RANBP2: variants seen among roughly 807,000 people sequenced by gnomAD.
RANBP2 encodes E3 SUMO-protein ligase RanBP2.
Under a neutral mutation model 303.6 loss-of-function variants are expected in RANBP2, and 57 were observed. That is an observed-to-expected ratio of 0.19 (90% CI 0.15 to 0.23). RANBP2 has a LOEUF of 0.23. RANBP2 is among the 10% of genes least tolerant of loss of function. The pLI is 1.00. For synonymous variants in RANBP2, 1,167 were observed against 1,301.5 expected (o/e 0.90, Z 2.23); for missense variants, 3,138 against 3,780.8 (o/e 0.83, Z 4.46).
chr2:108,957,829 C>T, the RANBP2 span, among the ~76,000 whole-genome samples: 1 of 152,192 alleles, frequency 6.6e-6, no homozygotes, highest in Non-Finnish European at 1.5e-5. Flanking sequence ...TGTTGCCTAG[C>T]CTCATCTGCA....
the RANBP2 span, among the ~76,000 whole-genome samples, chr2:109,670,221 CT>C: frequency 6.6e-6 from 1 of 151,296 alleles, no homozygotes; most frequent in African/African-American, 2.4e-5. Flanking sequence ...ACTACATGTT[CT>C]GATTGGGTGA....
the RANBP2 span, among the ~76,000 whole-genome samples, chr2:109,324,864 G>T: frequency 1.3e-5 from 2 of 152,194 alleles, no homozygotes; most frequent in Non-Finnish European, 2.9e-5. Context: ...AAGCACGCAC[G>T]CTGGCACACT....
the RANBP2 span, among the ~76,000 whole-genome samples, chr2:109,697,730 G>A: frequency 6.6e-6 from 1 of 152,038 alleles, no homozygotes; most frequent in South Asian, 2.1e-4. Flanking sequence ...TCTTTGTTTT[G>A]CTTTATTGTA....
At chr2:108,789,037 A>G (rs535829261), downstream of RANBP2, 5 of 1,548,150 alleles carry the variant, frequency 3.2e-6, no homozygotes, top group South Asian at 5.7e-5. Context: ...AGAAAAGGGC[A>G]GGTTATATTT....
chr2:109,419,555 C>T, the RANBP2 span: 10 of 1,597,366 alleles, frequency 6.3e-6, no homozygotes, highest in East Asian at 9.1e-5. Flanking sequence ...TCCTCCTCGG[C>T]GGGATCTACC....
At chr2:109,042,367 G>A in the RANBP2 span, among the ~76,000 whole-genome samples, 1,037 of 152,116 alleles carry the variant, frequency 6.8e-3, 6 homozygotes, top group East Asian at 0.035. Flanking sequence ...GTATGTATTT[G>A]TATTTATCTT....
chr2:109,683,468 C>T, the RANBP2 span, among the ~76,000 whole-genome samples: 2 of 152,176 alleles, frequency 1.3e-5, no homozygotes, highest in South Asian at 4.2e-4. Context: ...AGGAAGTTTC[C>T]CAGCTGCAAT....
chr2:109,104,724 C>A, the RANBP2 span, among the ~76,000 whole-genome samples: 1 of 152,130 alleles, frequency 6.6e-6, no homozygotes, highest in African/African-American at 2.4e-5. Context: ...ACCTCGTGAT[C>A]CGCCCACCTC....
the RANBP2 span, among the ~76,000 whole-genome samples, chr2:109,071,350 G>A: frequency 6.6e-6 from 1 of 152,180 alleles, no homozygotes; most frequent in Non-Finnish European, 1.5e-5. Flanking sequence ...ATTCTGTCTT[G>A]CATGTGTGAA....
Position 108,764,641 on chromosome 2 carries a change from A to C in RANBP2, c.4102A>C (p.Thr1368Pro). Residue 1368 changes from threonine to proline, a missense_variant, in exon 20 of 29, where the codon ACT becomes CCT. This residue lies in a region of RANBP2 where 388 missense variants were observed against 328.5 expected (regional missense o/e 1.18). Transcript: ENST00000283195. ...CNSCSLKNAS[T>P]AKKCVSCQNL... ...CAGCTGCTCATTAAAGAATGCTTCA[A>C]CTGCTAAGAAATGTGTATCATGCCA... 6.2e-7 allele frequency: 1 copy of C among 1,614,096 alleles called. No homozygotes were observed. Among genetic ancestry groups the C allele is most frequent in the Non-Finnish European group, 8.5e-7 (1 of 1,179,976 alleles).
chr2:109,356,535 C>G, the RANBP2 span, among the ~76,000 whole-genome samples: 1 of 152,212 alleles, frequency 6.6e-6, no homozygotes, highest in African/African-American at 2.4e-5. Context: ...AGATGCTGAC[C>G]TTCTCTTTAC....
chr2:109,305,923 C>T, the RANBP2 span, among the ~76,000 whole-genome samples: 1 of 150,124 alleles, frequency 6.7e-6, no homozygotes, highest in Non-Finnish European at 1.5e-5. Flanking sequence ...TGGGCTGCTC[C>T]TCCAGCTGCT....
At chr2:109,533,998 C>T in the RANBP2 span, among the ~76,000 whole-genome samples, 6 of 152,202 alleles carry the variant, frequency 3.9e-5, no homozygotes, top group Non-Finnish European at 7.3e-5. Flanking sequence ...CCCAGGGCAG[C>T]GCTGCACAGT....
the RANBP2 span, among the ~76,000 whole-genome samples, chr2:109,514,602 T>C: frequency 1.3e-5 from 2 of 152,196 alleles, no homozygotes; most frequent in Non-Finnish European, 2.9e-5. Context: ...CTTTCCCCTG[T>C]GTACAGACCC....
chr2:108,942,623 G>C, the RANBP2 span, among the ~76,000 whole-genome samples: 1 of 152,254 alleles, frequency 6.6e-6, no homozygotes, highest in Non-Finnish European at 1.5e-5. Context: ...TGAGGCGGGC[G>C]GTTCCGCCAC....
chr2:109,307,439 A>T, the RANBP2 span, among the ~76,000 whole-genome samples: 32 of 135,026 alleles, frequency 2.4e-4, no homozygotes, highest in Admixed American at 4.4e-4. Context: ...TTTTATTATT[A>T]TACTTTAAGT....
the RANBP2 span, among the ~76,000 whole-genome samples, chr2:109,196,396 C>G: frequency 6.6e-6 from 1 of 152,192 alleles, no homozygotes; most frequent in Non-Finnish European, 1.5e-5. Flanking sequence ...TCATTTAATC[C>G]CGTGGCGGGC....
chr2:108,829,392 A>T, the RANBP2 span, among the ~76,000 whole-genome samples: 6 of 152,206 alleles, frequency 3.9e-5, no homozygotes, highest in Non-Finnish European at 8.8e-5. Context: ...GATGCTTAAC[A>T]TCACTACTCT....
At chr2:109,687,741 ATTTTTTT>A in the RANBP2 span, among the ~76,000 whole-genome samples, 16 of 133,468 alleles carry the variant, frequency 1.2e-4, no homozygotes, top group Middle Eastern at 4.0e-3. Context: ...AGGTCAGGGG[ATTTTTTT>A]TTTTTTTTTT....
Sources: allele counts gnomAD v4.1 joint callset (sites outside exome capture counted in the v4.1 genomes callset), GRCh38; gene constraint gnomAD v4.1.1; regional missense constraint gnomAD v4.1.1; transcripts MANE v1.5; gene names NCBI Gene and HGNC (gene_info 2026-07-23, HGNC 2026-07-21).